Variants in REDIC1 observed in about 807,000 individuals in gnomAD.
REDIC1 encodes the protein HEI10 Interacting Protein 1.
At chr12:39,830,112 G>C in the REDIC1 span, 1 of 1,613,588 alleles carries the variant, frequency 6.2e-7, no homozygotes. Flanking sequence ...CCTGCCCCAG[G>C]CTGCCTCATT....
chr12:39,691,990 A>C, the REDIC1 span: 10 of 1,400,168 alleles, frequency 7.1e-6, no homozygotes, highest in East Asian at 2.6e-5. Context: ...AATAAGGTAG[A>C]TATAAGTGAA....
At chr12:39,653,445 A>G in the REDIC1 span, among the ~76,000 whole-genome samples, 1 of 150,972 alleles carries the variant, frequency 6.6e-6, no homozygotes, top group South Asian at 2.1e-4. Context: ...GTTGGAATAC[A>G]TTGTCCATAG....
At chr12:39,706,457 C>A in the REDIC1 span, among the ~76,000 whole-genome samples, 1 of 151,864 alleles carries the variant, frequency 6.6e-6, no homozygotes, top group East Asian at 1.9e-4. Flanking sequence ...AAAACCAATT[C>A]CAAAATGTAT....
chr12:39,692,090 G>T, the REDIC1 span: 1 of 1,577,978 alleles, frequency 6.3e-7, no homozygotes, highest in Non-Finnish European at 8.6e-7. Context: ...TAAAAAGCAA[G>T]CGAATATCTA....
At chr12:39,685,104 TAAA>T in the REDIC1 span, among the ~76,000 whole-genome samples, 1 of 152,216 alleles carries the variant, frequency 6.6e-6, no homozygotes, top group Non-Finnish European at 1.5e-5. Flanking sequence ...GATCTAGAAA[TAAA>T]AACACGTTTT....
the REDIC1 span, among the ~76,000 whole-genome samples, chr12:39,649,953 GT>G: frequency 2.6e-5 from 4 of 151,520 alleles, no homozygotes; most frequent in African/African-American, 4.8e-5. Context: ...TGTCCTGGGT[GT>G]TTTTTTGTTT....
At chr12:39,897,423 T>C in the REDIC1 span, among the ~76,000 whole-genome samples, 20 of 152,340 alleles carry the variant, frequency 1.3e-4, no homozygotes, top group South Asian at 4.1e-4. Flanking sequence ...AGAAAAAAGA[T>C]GCAGCTATTC....
the REDIC1 span, among the ~76,000 whole-genome samples, chr12:39,747,355 G>C: frequency 2.0e-5 from 3 of 152,234 alleles, no homozygotes; most frequent in Non-Finnish European, 4.4e-5. Flanking sequence ...ATGAAATGAA[G>C]TGAGAAGAGA....
the REDIC1 span, among the ~76,000 whole-genome samples, chr12:39,902,952 C>A: frequency 6.6e-6 from 1 of 152,028 alleles, no homozygotes; most frequent in African/African-American, 2.4e-5. Flanking sequence ...CTGTTGACTA[C>A]GTTCCAGGAA....
At chr12:39,653,579 C>CTTCTTCTTCT in the REDIC1 span, among the ~76,000 whole-genome samples, 2 of 59,244 alleles carry the variant, frequency 3.4e-5, no homozygotes, top group Admixed American at 1.9e-4. Flanking sequence ...TCTTTTTCTT[C>CTTCTTCTTCT]CTCTTCTTCT....
At chr12:39,831,407 C>T in the REDIC1 span, among the ~76,000 whole-genome samples, 1 of 152,096 alleles carries the variant, frequency 6.6e-6, no homozygotes, top group Non-Finnish European at 1.5e-5. Context: ...TTACTGTGTA[C>T]AAGTCGTGAT....
At chr12:39,687,935 G>T in the REDIC1 span, among the ~76,000 whole-genome samples, 1 of 152,318 alleles carries the variant, frequency 6.6e-6, no homozygotes, top group Admixed American at 6.5e-5. Context: ...TAACTTGTTT[G>T]AGGTCACACT....
chr12:39,835,364 T>A, the REDIC1 span, among the ~76,000 whole-genome samples: 2 of 152,108 alleles, frequency 1.3e-5, no homozygotes, highest in Non-Finnish European at 2.9e-5. Context: ...ATTAGAATGC[T>A]GCAACTTCTC....
At chr12:39,903,948 A>G in the REDIC1 span, among the ~76,000 whole-genome samples, 1 of 152,212 alleles carries the variant, frequency 6.6e-6, no homozygotes, top group Admixed American at 6.6e-5. Context: ...AGAACAACAG[A>G]CAGGATACTG....
the REDIC1 span, among the ~76,000 whole-genome samples, chr12:39,688,618 A>T: frequency 6.6e-6 from 1 of 152,220 alleles, no homozygotes; most frequent in African/African-American, 2.4e-5. Context: ...CCACTAAACA[A>T]ATTTTAGCAG....
At chr12:39,783,518 C>T in the REDIC1 span, among the ~76,000 whole-genome samples, 20,626 of 152,142 alleles carry the variant, frequency 0.14, 1,683 homozygotes, top group East Asian at 0.39. Context: ...TACCCCACAT[C>T]CTCTCCAGCA....
At chr12:39,714,198 T>C in the REDIC1 span, among the ~76,000 whole-genome samples, 199 of 79,326 alleles carry the variant, frequency 2.5e-3, 7 homozygotes, top group African/African-American at 5.5e-3. Flanking sequence ...TATGTATATA[T>C]GTATATACAT....
the REDIC1 span, among the ~76,000 whole-genome samples, chr12:39,831,016 C>T: frequency 6.6e-6 from 1 of 152,142 alleles, no homozygotes; most frequent in African/African-American, 2.4e-5. Flanking sequence ...CCAACTAAAG[C>T]CTACATCATG....
At chr12:39,701,740 T>C in the REDIC1 span, among the ~76,000 whole-genome samples, 13 of 152,132 alleles carry the variant, frequency 8.5e-5, no homozygotes, top group Admixed American at 2.6e-4. Flanking sequence ...ACAAATGGTC[T>C]CTCAGACCAC....
Sources: gnomAD v4.1 joint callset for allele counts (sites outside exome capture counted in the v4.1 genomes callset) on GRCh38, gnomAD v4.1.1 for gene constraint, MANE v1.5 for transcripts, NCBI Gene and HGNC (gene_info 2026-07-23, HGNC 2026-07-21) for gene names.